The following AARS1 variants were observed in gnomAD, a reference collection of about 807,000 sequenced individuals.
AARS1 encodes the protein alanyl-tRNA synthetase 1.
Under a neutral mutation model 108.9 loss-of-function variants are expected in AARS1, and 72 were observed. The ratio of observed to expected loss-of-function variants is 0.66; its 90% CI spans 0.55 to 0.80. The LOEUF (loss-of-function observed/expected upper bound fraction) is 0.80, where lower values mean the gene tolerates loss of function less well. Among genes scored for constraint, AARS1 ranks in the 30% least tolerant of loss-of-function variants. AARS1 has a pLI of 0.00. For missense variants in AARS1, 1,193 were observed against 1,233.2 expected (o/e 0.97, Z 0.49); for synonymous variants, 489 against 465.7 (o/e 1.05, Z -0.64).
intron 3 of AARS1, 91 bp downstream of exon 3, chr16:70,276,875 A>G (rs1393897746): frequency 3.4e-6 from 5 of 1,456,434 alleles, no homozygotes; most frequent in Admixed American, 3.5e-5. Flanking sequence ...GATATTTCAT[A>G]TTTTAAAACA....
In AARS1 at chr16:70,269,694, G is replaced by A. The variant is rs1225401608; in HGVS notation, c.886C>T (p.Arg296Trp). ...EDADGIDMAYRVLADHARTIT... is the reference protein window; with the variant it reads ...EDADGIDMAYWVLADHARTIT... ...GTCCGAGCGTGGTCAGCCAGCACCC[G>A]GTAGGCCATGTCAATCCCATCGGCA... Residue 296 changes from arginine to tryptophan, a missense_variant, in exon 7 of 21, where the codon CGG (arginine) becomes TGG (tryptophan). By Grantham distance (101) the Arg-to-Trp change is moderately radical. Coordinates refer to ENST00000261772, the MANE Select transcript of AARS1 (RefSeq NM_001605.3). 9 of 1,614,002 alleles carry A rather than the reference G, an allele frequency of 5.6e-6. No homozygotes were observed. Among genetic ancestry groups the A allele is most frequent in the Admixed American group, 1.7e-5 (1 of 59,974 alleles).
At chr16:70,256,675 A>G (rs1429546815) in intron 15 of AARS1, among the ~76,000 whole-genome samples, 1 of 151,972 alleles carries the variant, frequency 6.6e-6, no homozygotes, top group African/African-American at 2.4e-5. Flanking sequence ...GCAAAGTGGG[A>G]CTCGTTTGAA....
chr16:70,260,852 C>T (rs190889668), intron 13 of AARS1, among the ~76,000 whole-genome samples, 192 bp downstream of exon 13: 98 of 152,124 alleles, frequency 6.4e-4, no homozygotes, highest in South Asian at 2.1e-4. Context: ...TTAGTAGAGA[C>T]GGGGTTTCAC....
chr16:70,252,716 C>T lies in AARS1; in HGVS notation c.*5G>A. On this transcript the variant is annotated 3_prime_UTR_variant, in exon 21 of 21. Coordinates refer to ENST00000261772, the MANE Select transcript of AARS1 (RefSeq NM_001605.3). ...GGATCCAGTGGGAGCCTCCTCCTTCCCCACTCAGTTCTTTACATCCCCGAG... is the reference window on the plus strand; with the variant it reads ...GGATCCAGTGGGAGCCTCCTCCTTCTCCACTCAGTTCTTTACATCCCCGAG... The T allele has an allele frequency of 3.1e-6, 5 of 1,613,950 alleles. No individual in the cohort carries two copies. Among genetic ancestry groups the T allele is most frequent in the Non-Finnish European group, 4.2e-6 (5 of 1,179,996 alleles).
chr16:70,282,515 G>A lies in AARS1; in HGVS notation c.144+105C>T, dbSNP rs913179388. ...CATAAAGTTTCACAAGATCACACAG[G>A]GAGTGACAGAACCAGAATCGGTCTG... On this transcript the variant is annotated intron_variant, in intron 2 of 20. Coordinates refer to ENST00000261772, the MANE Select transcript of AARS1 (RefSeq NM_001605.3). 6 of 1,377,138 alleles carry A rather than the reference G, an allele frequency of 4.4e-6. No homozygotes were observed. In the South Asian group the frequency reaches 5.8e-5, roughly 13 times the overall value. The allele number at this position is 1,377,138 out of a possible 1,614,324, so 85.3% of individuals were successfully genotyped here.
Position 70,252,607 on chromosome 16 carries a change from T to C in AARS1, c.*114A>G. 1 of 1,203,426 alleles carries C rather than the reference T, an allele frequency of 8.3e-7. No homozygotes were observed. The highest frequency in any genetic ancestry group is 1.2e-5 in the South Asian group (1 of 80,588). 74.5% of individuals were successfully genotyped at this position (1,203,426 alleles called of 1,614,324 possible). On this transcript the variant is annotated 3_prime_UTR_variant, in exon 21 of 21. Transcript: ENST00000261772. Reference sequence around the variant, plus strand: ...GGACTGCTCCCAAGTGTGTTCCAGTTACTGCTGGGTTAGGAGGGGCTCTTT... The same window carrying C: ...GGACTGCTCCCAAGTGTGTTCCAGTCACTGCTGGGTTAGGAGGGGCTCTTT...
In AARS1 at chr16:70,258,045, A is replaced by G. The variant is rs1960033299; in HGVS notation, c.2165T>C (p.Phe722Ser). ...GPAGSLTSVE[F>S]CGGTHLRNSS... ...CTGCAGTACTCACGTTCCCCCACAG[A>G]ACTCAACAGAAGTCAGGGAGCCAGC... The change falls in exon 15 of 21, where the codon TTC (phenylalanine) becomes TCC (serine). Residue 722 changes from phenylalanine to serine, a missense_variant. Coordinates refer to ENST00000261772, the MANE Select transcript of AARS1 (RefSeq NM_001605.3). 6.2e-7 allele frequency: 1 copy of G among 1,614,122 alleles called. No individual in the cohort carries two copies. Among genetic ancestry groups the G allele is most frequent in the East Asian group, 2.2e-5 (1 of 44,876 alleles).
rs775444020 is a variant in AARS1, at chr16:70,268,293, A to G, written c.1049T>C (p.Val350Ala). ...NASRGFFATL[V>A]DVVVQSLGDA... is the part of the protein sequence containing the mutation. ...TACCAGGGACTGGACGACAACATCCACTAACGTAGCAAAGAAGCCCCTGCT... is the reference window on the plus strand; with the variant it reads ...TACCAGGGACTGGACGACAACATCCGCTAACGTAGCAAAGAAGCCCCTGCT... The change falls in exon 8 of 21, where the codon GTG becomes GCG. Residue 350 changes from valine (V) to alanine (A), a missense_variant. Coordinates refer to ENST00000261772, the MANE Select transcript of AARS1 (RefSeq NM_001605.3). 3.7e-6 allele frequency: 6 copies of G among 1,614,210 alleles called. No individual in the cohort carries two copies. The highest frequency in any genetic ancestry group is 1.7e-5 in the Admixed American group (1 of 60,016).
Position 70,270,346 on chromosome 16 carries a change from T to C in AARS1, c.672-6A>G. 1.2e-6 allele frequency: 2 copies of C among 1,614,148 alleles called. No homozygotes were observed. Among genetic ancestry groups the C allele is most frequent in the Non-Finnish European group, 1.7e-6 (2 of 1,180,022 alleles). Reference sequence around the variant, plus strand: ...TCAGAATGCCATCAGCTTCCCTGTATGATCCAGAAGAAGAGGAGGTTGAAG... The same window carrying C: ...TCAGAATGCCATCAGCTTCCCTGTACGATCCAGAAGAAGAGGAGGTTGAAG... On this transcript the variant is annotated splice_polypyrimidine_tract_variant and splice_region_variant and intron_variant, in intron 5 of 20. Coordinates refer to ENST00000261772, the MANE Select transcript of AARS1 (RefSeq NM_001605.3).
At chr16:70,287,928 G>A (rs1335284531) in intron 1 of AARS1, among the ~76,000 whole-genome samples, 1 of 150,970 alleles carries the variant, frequency 6.6e-6, no homozygotes, top group African/African-American at 2.4e-5. Flanking sequence ...ACCACACCTA[G>A]CTAATTTTGT....
At chr16:70,262,240 G>C in intron 12 of AARS1, 106 bp downstream of exon 12, 1 of 1,363,022 alleles carries the variant, frequency 7.3e-7, no homozygotes, top group Middle Eastern at 1.8e-4. Context: ...CCAACCCAAA[G>C]GTGTGTCAGG....
In AARS1 at chr16:70,258,170, C is replaced by T; in HGVS notation, c.2040G>A (p.Gln680=). The T allele has an allele frequency of 6.2e-7, 1 of 1,608,666 alleles. No individual in the cohort carries two copies. Residue 680 remains glutamine (Q), a synonymous_variant, in exon 15 of 21, where the codon CAG becomes CAA. Transcript: ENST00000261772. The part of the protein sequence containing the change: ...DCPLAAAKAI[Q]GLRAVFDETY... ...TCTCATCAAACACAGCCCGTAGGCC[C>T]TGGATGGCTTTCGCTGCTGCCAGGG...
At chr16:70,271,644 T>C in intron 5 of AARS1, 137 bp downstream of exon 5, 1 of 877,468 alleles carries the variant, frequency 1.1e-6, no homozygotes, top group Non-Finnish European at 1.8e-6. Flanking sequence ...AATAGGCCCA[T>C]CCTTGTTCCA....
At chr16:70,275,399 A>C (rs1960514832) in intron 4 of AARS1, among the ~76,000 whole-genome samples, 1 of 151,992 alleles carries the variant, frequency 6.6e-6, no homozygotes, top group South Asian at 2.1e-4. Flanking sequence ...GCAGATCACG[A>C]GGTCAGGAGA....
chr16:70,272,295 G>T (rs892103875), intron 4 of AARS1, among the ~76,000 whole-genome samples: 17 of 151,458 alleles, frequency 1.1e-4, no homozygotes, highest in African/African-American at 4.1e-4. Flanking sequence ...ACCTGAGGTT[G>T]GGAGTTTGAG....
intron 11 of AARS1, among the ~76,000 whole-genome samples, chr16:70,263,812 T>C (rs1242983359): frequency 6.6e-6 from 1 of 151,948 alleles, no homozygotes; most frequent in Admixed American, 6.5e-5. Context: ...AATTTTTGTA[T>C]TTCTGGTAGA....
At chr16:70,279,030 T>C (rs1960624419) in intron 2 of AARS1, among the ~76,000 whole-genome samples, 1 of 152,124 alleles carries the variant, frequency 6.6e-6, no homozygotes, top group Admixed American at 6.6e-5. Flanking sequence ...AAGTGCTGCA[T>C]GCAGGCTGAC....
intron 1 of AARS1, among the ~76,000 whole-genome samples, chr16:70,283,292 G>A (rs1399510708): frequency 6.6e-6 from 1 of 152,052 alleles, no homozygotes; most frequent in Non-Finnish European, 1.5e-5. Flanking sequence ...AGCTACTTGC[G>A]AGACTGAGGC....
intron 13 of AARS1, 24 bp from the exon 14 acceptor site, chr16:70,259,210 GGA>G: frequency 6.2e-7 from 1 of 1,605,938 alleles, no homozygotes; most frequent in East Asian, 2.2e-5. Context: ...AGGGGCTCAT[GGA>G]GAGGTCTGTA....
Sources: allele counts gnomAD v4.1 joint callset (sites outside exome capture counted in the v4.1 genomes callset), GRCh38; gene constraint gnomAD v4.1.1; transcripts MANE v1.5; gene names NCBI Gene and HGNC (gene_info 2026-07-23, HGNC 2026-07-21).